The following PTPRA variants were observed in gnomAD, a reference collection of about 807,000 sequenced individuals.
PTPRA encodes the protein receptor-type tyrosine-protein phosphatase alpha.
In PTPRA, 25 loss-of-function variants were observed where a neutral mutation model predicts 104.8. That is an observed-to-expected ratio of 0.24 (90% CI 0.17 to 0.33). The LOEUF (loss-of-function observed/expected upper bound fraction) is 0.33. Ranked by LOEUF, PTPRA falls within the 10% of genes least tolerant of loss-of-function variation. The probability of loss-of-function intolerance (pLI) is 1.00; values close to 1 mark genes in which losing one functional copy is unlikely to be tolerated. For missense variants in PTPRA, 765 were observed against 1,015.3 expected (o/e 0.75, Z 3.35); for synonymous variants, 323 against 368.9 (o/e 0.88, Z 1.43).
At chr20:2,957,692 A>G (rs2061587818) in intron 3 of PTPRA, among the ~76,000 whole-genome samples, 1 of 152,194 alleles carries the variant, frequency 6.6e-6, no homozygotes, top group Admixed American at 6.5e-5. Flanking sequence ...ATTTCAGGGA[A>G]GGGGAAAATT....
chr20:2,896,416 G>A (rs145601034), intron 1 of PTPRA, among the ~76,000 whole-genome samples: 3 of 152,122 alleles, frequency 2.0e-5, no homozygotes, highest in Non-Finnish European at 4.4e-5. Flanking sequence ...ACACACACAC[G>A]CAAAGAATAC....
chr20:2,866,430 C>G, the PTPRA span: 3 of 1,614,114 alleles, frequency 1.9e-6, no homozygotes, highest in Non-Finnish European at 2.5e-6. Context: ...CAAACCACAG[C>G]GATGTGGCTC....
chr20:2,865,908 C>A, the PTPRA span: 2 of 486,530 alleles, frequency 4.1e-6, no homozygotes, highest in Non-Finnish European at 7.5e-6. The surrounding 1 kb of genome is among the most constrained non-coding windows in gnomAD (Gnocchi z 5.2). Context: ...CACAAGAGAA[C>A]ACAGGAAATG....
rs537784625 is a variant in PTPRA, at chr20:3,010,520, T to C, written c.906+3100T>C. Among the ~76,000 whole-genome samples, 249 of 151,994 alleles carry C rather than the reference T, an allele frequency of 1.6e-3. 1 individual carries two copies. The highest frequency in any genetic ancestry group is 5.5e-3 in the African/African-American group (230 of 41,490). On this transcript the variant is annotated intron_variant, in intron 11 of 23. Transcript: ENST00000399903. ...GCGGGCACCTGTAGTCCCAGCTACTTGGGAGGCTGAGGCAGGAGAACGGCG... is the reference window on the plus strand; with the variant it reads ...GCGGGCACCTGTAGTCCCAGCTACTCGGGAGGCTGAGGCAGGAGAACGGCG...
intron 6 of PTPRA, among the ~76,000 whole-genome samples, chr20:2,980,739 T>C (rs1337609728): frequency 6.6e-6 from 1 of 152,154 alleles, no homozygotes; most frequent in Non-Finnish European, 1.5e-5. Flanking sequence ...TGGCATCCTG[T>C]TGCACAAATT....
intron 6 of PTPRA, among the ~76,000 whole-genome samples, chr20:2,981,943 C>T (rs1380022027): frequency 1.3e-5 from 2 of 152,098 alleles, no homozygotes; most frequent in East Asian, 1.9e-4. Flanking sequence ...CATATGCCAC[C>T]GTTTGCTGCC....
At position 3,038,052 on chromosome 20, in the gene PTPRA, T is replaced by C; in HGVS notation, c.2335-7T>C. 1 of 1,606,264 alleles carries C rather than the reference T, an allele frequency of 6.2e-7. No individual in the cohort carries two copies. The highest frequency in any genetic ancestry group is 8.5e-7 in the Non-Finnish European group (1 of 1,173,564). The stretch of plus-strand genomic sequence containing the variant: ...CCCTGACTTTTTCCCTACCTTTCAC[T>C]CTCCAGGAACAGTATGAGTTCTGCT... On this transcript the variant is annotated splice_region_variant and splice_polypyrimidine_tract_variant and intron_variant, in intron 23 of 23. Transcript: ENST00000399903.
intron 11 of PTPRA, among the ~76,000 whole-genome samples, chr20:3,009,775 G>T (rs1251036743): frequency 6.6e-6 from 1 of 152,148 alleles, no homozygotes; most frequent in Non-Finnish European, 1.5e-5. Context: ...ATGTTATGCA[G>T]AAGAGAAGAG....
chr20:2,881,564 G>A (rs2090052352), intron 1 of PTPRA, among the ~76,000 whole-genome samples: 1 of 152,086 alleles, frequency 6.6e-6, no homozygotes, highest in African/African-American at 2.4e-5. Context: ...TGCCCAGGCT[G>A]GAGTACAGTG....
upstream of PTPRA, among the ~76,000 whole-genome samples, chr20:2,872,599 T>A (rs2089456577): frequency 6.6e-6 from 1 of 152,234 alleles, no homozygotes; most frequent in Admixed American, 6.5e-5. This position sits in a 1 kb window ranked among gnomAD's most constrained non-coding sequence, Gnocchi z 7.9. Context: ...CTCGACTGCG[T>A]AATCGGCTTT....
rs79811639 is a variant in PTPRA, at chr20:3,028,077, A to G, written c.1920+236A>G. ...AGTCATTAGCTTCTCCCAAGACTAGAAAAGCAATGTGATCTGAGCCTCCAT... is the reference window on the plus strand; with the variant it reads ...AGTCATTAGCTTCTCCCAAGACTAGGAAAGCAATGTGATCTGAGCCTCCAT... On this transcript the variant is annotated intron_variant, in intron 20 of 23. Coordinates refer to ENST00000399903, the MANE Select transcript of PTPRA (RefSeq NM_001385305.1). Among the ~76,000 whole-genome samples, 386 of 152,288 alleles carry G rather than the reference A, an allele frequency of 2.5e-3. 11 individuals carry two copies. In the East Asian group the frequency reaches 0.059, roughly 23 times the overall value.
chr20:2,907,211 T>TAGCAAAAGCTAATTCTCAAAGCC (rs1446501575), intron 1 of PTPRA, among the ~76,000 whole-genome samples: 3 of 152,196 alleles, frequency 2.0e-5, no homozygotes, highest in Non-Finnish European at 4.4e-5. Flanking sequence ...ATTATAAAAT[T>TAGCAAAAGCTAATTCTCAAAGCC]AGCAAAAGCT....
chr20:2,947,803 A>G (rs2061193249), intron 2 of PTPRA, among the ~76,000 whole-genome samples, 179 bp from the exon 3 acceptor site: 1 of 152,208 alleles, frequency 6.6e-6, no homozygotes, highest in Non-Finnish European at 1.5e-5. Context: ...TCTGATGAAT[A>G]TGGTGACTTG....
At chr20:2,926,289 A>C (rs981115791) in intron 2 of PTPRA, among the ~76,000 whole-genome samples, 2 of 152,166 alleles carry the variant, frequency 1.3e-5, no homozygotes, top group African/African-American at 4.8e-5. Context: ...ATTGTCTCAG[A>C]GTTTTGGAGG....
intron 1 of PTPRA, among the ~76,000 whole-genome samples, chr20:2,877,317 A>G (rs552732112): frequency 6.6e-6 from 1 of 152,260 alleles, no homozygotes; most frequent in South Asian, 2.1e-4. Flanking sequence ...CTGGAATGCA[A>G]TGGCGCTATC....
At chr20:2,918,588 A>T (rs1448053868) in intron 1 of PTPRA, among the ~76,000 whole-genome samples, 1 of 152,204 alleles carries the variant, frequency 6.6e-6, no homozygotes, top group Non-Finnish European at 1.5e-5. Context: ...TGCCATATCC[A>T]CAAATTGGCT....
In PTPRA at chr20:2,962,166, T is replaced by C. The variant is rs1389717585; in HGVS notation, c.-6-2106T>C. Among the ~76,000 whole-genome samples the C allele has an allele frequency of 2.0e-5, 3 of 152,240 alleles. No individual in the cohort carries two copies. The East Asian group carries it at 5.8e-4, about 29-fold the overall frequency. On this transcript the variant is annotated intron_variant, in intron 3 of 23. Transcript: ENST00000399903. ...TATGATTGAGATTGCATTGAATCTA[T>C]AGGCTTATTTGGGAATAACTGACAT...
At chr20:2,940,000 C>T (rs1760485417) in intron 2 of PTPRA, among the ~76,000 whole-genome samples, 1 of 152,210 alleles carries the variant, frequency 6.6e-6, no homozygotes, top group African/African-American at 2.4e-5. Flanking sequence ...ATCCCAGCTA[C>T]TTGGGAGGCT....
chr20:2,956,334 G>A (rs1004442481), intron 3 of PTPRA, among the ~76,000 whole-genome samples: 3 of 152,132 alleles, frequency 2.0e-5, no homozygotes, highest in East Asian at 3.8e-4. Flanking sequence ...GTAATGTACA[G>A]GCCCCTTCAT....
Sources: gnomAD v4.1 joint callset for allele counts (sites outside exome capture counted in the v4.1 genomes callset) on GRCh38, gnomAD v4.1.1 for gene constraint, Gnocchi (gnomAD v3.1) non-coding constraint, MANE v1.5 for transcripts, NCBI Gene and HGNC (gene_info 2026-07-23, HGNC 2026-07-21) for gene names.